The following RIF1 variants were observed in gnomAD, a reference collection of about 807,000 sequenced individuals.
The protein encoded by RIF1 is replication timing regulatory factor 1.
In RIF1, 45 loss-of-function variants were observed where a neutral mutation model predicts 247.1. The ratio of observed to expected loss-of-function variants is 0.18; its 90% CI spans 0.14 to 0.23. The LOEUF (loss-of-function observed/expected upper bound fraction) is 0.23, where lower values mean the gene tolerates loss of function less well. Among genes scored for constraint, RIF1 ranks in the 10% least tolerant of loss-of-function variants. The pLI, the probability that RIF1 is intolerant of heterozygous loss-of-function variation, is 1.00. For synonymous variants in RIF1, 1,087 were observed against 978.8 expected, an observed-to-expected ratio of 1.11 and a Z score of -2.06; for missense variants, 2,967 against 2,862.5, an observed-to-expected ratio of 1.04 and a Z score of -0.83.
chr2:151,415,303 T>C (rs1364620081), intron 4 of RIF1, among the ~76,000 whole-genome samples: 2 of 149,570 alleles, frequency 1.3e-5, no homozygotes, highest in Non-Finnish European at 3.0e-5. Flanking sequence ...GTCGAGATCG[T>C]GCCATTGTAC....
At chr2:151,427,052 C>G (rs745842413) in intron 8 of RIF1, among the ~76,000 whole-genome samples, 1 of 151,828 alleles carries the variant, frequency 6.6e-6, no homozygotes, top group East Asian at 1.9e-4. Flanking sequence ...TTATAGCTAA[C>G]TTGTGTGTTT....
intron 34 of RIF1, among the ~76,000 whole-genome samples, chr2:151,471,207 A>G (rs188686746): frequency 3.5e-4 from 53 of 152,232 alleles, no homozygotes; most frequent in African/African-American, 1.2e-3. Context: ...AATGTTTTCA[A>G]GGTTTATCCT....
chr2:151,434,974 T>G (rs1690896440), intron 10 of RIF1, among the ~76,000 whole-genome samples: 1 of 152,316 alleles, frequency 6.6e-6, no homozygotes, highest in East Asian at 1.9e-4. Context: ...TTATTGAGTT[T>G]TAAATTTATA....
chr2:151,508,214 A>G, downstream of RIF1: 4 of 674,214 alleles, frequency 5.9e-6, no homozygotes, highest in African/African-American at 3.6e-5. Context: ...GCAGAGGGAA[A>G]GTCCTTTGTA....
At chr2:151,485,547 T>C, downstream of RIF1, 1 of 416,502 alleles carries the variant, frequency 2.4e-6, no homozygotes, top group Non-Finnish European at 4.2e-6. Flanking sequence ...AGAAAGACTC[T>C]AGGCACAGAA....
At chr2:151,411,999 G>T (rs1686321645) in intron 3 of RIF1, among the ~76,000 whole-genome samples, 1 of 152,036 alleles carries the variant, frequency 6.6e-6, no homozygotes, top group Non-Finnish European at 1.5e-5. Context: ...TTTCCTTTTG[G>T]GAATCTACAT....
intron 12 of RIF1, chr2:151,503,479 G>A (rs1345357128): frequency 2.1e-6 from 3 of 1,419,912 alleles, no homozygotes; most frequent in Admixed American, 3.4e-5. Context: ...AAGGTAAAAT[G>A]ACCGTAAATC....
Position 151,463,315 on chromosome 2 carries a change from A to C in RIF1, c.3795A>C (p.Ala1265=). ...TTAAAACAGATTTTCTACCAAAAGC[A>C]AAGCAAAGAGAAGGGACTTTTTCAA... ...TMIKTDFLPK[A]KQREGTFSKS... is the part of the protein sequence containing the mutation. The change falls in exon 30 of 36, where the codon GCA becomes GCC. Residue 1265 remains alanine (A), a synonymous_variant. Transcript: ENST00000444746. The C allele has an allele frequency of 1.2e-6, 2 of 1,613,404 alleles. No individual in the cohort carries two copies. The highest frequency in any genetic ancestry group is 1.7e-6 in the Non-Finnish European group (2 of 1,179,848).
chr2:151,464,127 A>G lies in RIF1; in HGVS notation c.4607A>G (p.Tyr1536Cys). 6.2e-7 allele frequency: 1 copy of G among 1,611,998 alleles called. No individual in the cohort carries two copies. The highest frequency in any genetic ancestry group is 1.1e-5 in the South Asian group (1 of 90,608). The change falls in exon 30 of 36, where the codon TAT (tyrosine) becomes TGT (cysteine). Residue 1536 changes from tyrosine to cysteine, a missense_variant. Tyr to Cys is a radical substitution (Grantham distance 194). Transcript: ENST00000444746. ...SEKLVRGRTR[Y>C]QTRRASQGLL... is the part of the protein sequence containing the mutation. ...AAACTAGTCAGAGGCCGAACACGGT[A>G]TCAAACTAGAAGAGCATCTCAGGGT...
At chr2:151,427,971 C>T (rs375625908) in intron 8 of RIF1, among the ~76,000 whole-genome samples, 14 of 152,128 alleles carry the variant, frequency 9.2e-5, no homozygotes, top group Non-Finnish European at 1.5e-4. Context: ...GCAGGAGAGT[C>T]GCTTAAACCT....
At chr2:151,519,026 G>T in the RIF1 span, 5 of 1,613,734 alleles carry the variant, frequency 3.1e-6, no homozygotes, top group Non-Finnish European at 4.2e-6. Context: ...CTTCATGTCA[G>T]TCACGGGTTT....
chr2:151,506,509 A>G (rs144312053), intron 13 of RIF1: 82 of 451,746 alleles, frequency 1.8e-4, no homozygotes, highest in African/African-American at 1.6e-3. Context: ...CAGGATGAGA[A>G]GAGCCAGGAA....
intron 4 of RIF1, 120 bp from the exon 5 acceptor site, chr2:151,416,441 G>T (rs549408725): frequency 1.0e-6 from 1 of 962,174 alleles, no homozygotes; most frequent in Admixed American, 2.9e-5. Flanking sequence ...TCTCTGATCT[G>T]TTCTCTGGAT....
Position 151,469,185 on chromosome 2 carries a change from CT to C in RIF1, c.6941+431del, listed in dbSNP as rs1370921674. 7.9e-5 allele frequency among the ~76,000 whole-genome samples: 12 copies of C among 152,170 alleles called. No homozygotes were observed. The South Asian group carries it at 2.5e-3, about 32-fold the overall frequency. The stretch of plus-strand genomic sequence containing the variant: ...TTGTTTCTAATTACAAGTTTGTTTC[CT>C]TGATGTTTTAAGTCTTGGAAACTTA... On this transcript the variant is annotated intron_variant, in intron 33 of 35. Transcript: ENST00000444746.
Position 151,451,826 on chromosome 2 carries a change from A to C in RIF1, c.2344+121A>C, listed in dbSNP as rs998710677. Reference sequence around the variant, plus strand: ...TACTAACTTTTGATCTTGTTTAACCATGTTAGTTACTATGCTAGGAGCTTT... The same window carrying C: ...TACTAACTTTTGATCTTGTTTAACCCTGTTAGTTACTATGCTAGGAGCTTT... On this transcript the variant is annotated intron_variant, in intron 21 of 35. Transcript: ENST00000444746. 8.4e-6 allele frequency: 5 copies of C among 594,938 alleles called. 1 individual carries two copies. Among genetic ancestry groups the C allele is most frequent in the South Asian group, 7.6e-5 (4 of 52,804 alleles). The allele number at this position is 594,938 out of a possible 1,614,324, so 36.9% of individuals were successfully genotyped here. A position where few individuals can be genotyped will look rare whatever the true frequency, so the allele number is the denominator to read the frequency against.
chr2:151,498,024 T>A, intron 10 of RIF1: 2 of 1,440,766 alleles, frequency 1.4e-6, no homozygotes, highest in South Asian at 3.0e-5. Context: ...CTCGGTGTTG[T>A]TATCCACACA....
At chr2:151,490,082 AAAAAAGGGGGCAAATTCTTTATAAGAAG>A in intron 9 of RIF1, 1 of 1,596,052 alleles carries the variant, frequency 6.3e-7, no homozygotes, top group Non-Finnish European at 8.6e-7. Context: ...TGTAAGCTGA[AAAAAAGGGGGCAAATTCTTTATAAGAAG>A]AAAAATGGCT....
intron 6 of RIF1, among the ~76,000 whole-genome samples, chr2:151,417,750 CATA>C (rs1428190459): frequency 3.3e-5 from 5 of 152,160 alleles, no homozygotes; most frequent in African/African-American, 7.2e-5. Context: ...TCATGTGTCA[CATA>C]ATGATGGGAA....
chr2:151,498,373 C>A, intron 10 of RIF1: 2 of 1,505,252 alleles, frequency 1.3e-6, no homozygotes, highest in Admixed American at 2.1e-5. Context: ...AGAAAGCATC[C>A]AGAACAAAAA....
Sources: allele counts gnomAD v4.1 joint callset (sites outside exome capture counted in the v4.1 genomes callset), GRCh38; gene constraint gnomAD v4.1.1; transcripts MANE v1.5; gene names NCBI Gene and HGNC (gene_info 2026-07-23, HGNC 2026-07-21).